Variants in FER1L6 observed in about 807,000 individuals in gnomAD.
The protein encoded by FER1L6 is fer-1 like family member 6.
Under a neutral mutation model 219.2 loss-of-function variants are expected in FER1L6, and 177 were observed. That is an observed-to-expected ratio of 0.81 (90% CI 0.71 to 0.91). The LOEUF is 0.91. Among genes scored for constraint, FER1L6 ranks in the 40% least tolerant of loss-of-function variants. FER1L6 has a pLI of 0.00. For missense variants in FER1L6, 2,153 were observed against 2,259.9 expected (o/e 0.95, Z 0.96); for synonymous variants, 768 against 824.3 (o/e 0.93, Z 1.17).
intron 3 of FER1L6, among the ~76,000 whole-genome samples, chr8:123,965,000 G>A (rs1438786891): frequency 6.6e-6 from 1 of 152,106 alleles, no homozygotes; most frequent in Non-Finnish European, 1.5e-5. Context: ...ATCTGGCACT[G>A]GGCTTTCACA....
chr8:124,049,876 A>G lies in FER1L6; in HGVS notation c.2874+120A>G, dbSNP rs1458537984. The G allele has an allele frequency of 9.7e-6, 10 of 1,026,032 alleles. No individual in the cohort carries two copies. In the South Asian group the frequency reaches 1.4e-4, roughly 15 times the overall value. 63.6% of individuals were successfully genotyped at this position (1,026,032 alleles called of 1,614,324 possible). A position where few individuals can be genotyped will look rare whatever the true frequency, so the allele number is the denominator to read the frequency against. On this transcript the variant is annotated intron_variant, in intron 22 of 40. Coordinates refer to ENST00000522917, the MANE Select transcript of FER1L6 (RefSeq NM_001039112.2). ...TCCCTCGCTGCAATCCCACATCTGA[A>G]TGTGTCTCCTGGGGACCTGAGAGGT...
chr8:123,891,839 C>G (rs1812654618), intron 1 of FER1L6, among the ~76,000 whole-genome samples: 1 of 152,170 alleles, frequency 6.6e-6, no homozygotes, highest in African/African-American at 2.4e-5. Flanking sequence ...AAATTACAAC[C>G]ATTCAGTTCC....
chr8:124,010,078 G>A (rs1298158695), intron 13 of FER1L6, among the ~76,000 whole-genome samples: 1 of 148,936 alleles, frequency 6.7e-6, no homozygotes, highest in Admixed American at 6.7e-5. Flanking sequence ...GTTGTAATTC[G>A]AGGGTCTGGT....
intron 1 of FER1L6, among the ~76,000 whole-genome samples, chr8:123,897,424 T>C (rs1328345507): frequency 6.6e-6 from 1 of 152,184 alleles, no homozygotes; most frequent in Non-Finnish European, 1.5e-5. Flanking sequence ...GCTAGTAACA[T>C]ATGCAGGTTC....
rs772374284 is a variant in FER1L6 at position 124,003,216 on chromosome 8, G to GTCAGCTGAA, written c.1579_1587dup (p.Ser527_Glu529dup). 4 of 1,614,112 alleles carry GTCAGCTGAA rather than the reference G, an allele frequency of 2.5e-6. No individual in the cohort carries two copies. The Admixed American group carries it at 6.7e-5, about 27-fold the overall frequency. On this transcript the variant is annotated inframe_insertion, in exon 13 of 41. Coordinates refer to ENST00000522917, the MANE Select transcript of FER1L6 (RefSeq NM_001039112.2). ...GAGGATCCCATCATGGGAGTAAGAA[G>GTCAGCTGAA]TCAGCTGAATCAGCTGAAGAAGACC...
intron 1 of FER1L6, among the ~76,000 whole-genome samples, chr8:123,945,293 T>A (rs1404335432): frequency 6.6e-6 from 1 of 152,182 alleles, no homozygotes; most frequent in Non-Finnish European, 1.5e-5. Context: ...GAACTCCTCC[T>A]CCTGTTCAAG....
chr8:124,091,656 T>C, intron 34 of FER1L6, 73 bp downstream of exon 34: 1 of 1,505,254 alleles, frequency 6.6e-7, no homozygotes, highest in East Asian at 2.3e-5. Flanking sequence ...TATTTTTGGC[T>C]ATGGGACATC....
At chr8:124,017,007 C>A (rs1415702121) in intron 15 of FER1L6, among the ~76,000 whole-genome samples, 1 of 152,122 alleles carries the variant, frequency 6.6e-6, no homozygotes, top group Non-Finnish European at 1.5e-5. Flanking sequence ...AACATCTTCA[C>A]CAACTTTGAA....
intron 6 of FER1L6, 61 bp from the exon 7 acceptor site, chr8:123,973,373 G>C: frequency 1.5e-6 from 2 of 1,357,906 alleles, no homozygotes; most frequent in Non-Finnish European, 2.1e-6. Flanking sequence ...AGCTAGACAA[G>C]GGTCAAGGCC....
chr8:123,899,315 G>A (rs1451916223), intron 1 of FER1L6, among the ~76,000 whole-genome samples: 2 of 151,858 alleles, frequency 1.3e-5, no homozygotes, highest in Non-Finnish European at 2.9e-5. Flanking sequence ...TTTGAGAATT[G>A]TCTATTCATG....
intron 6 of FER1L6, among the ~76,000 whole-genome samples, chr8:123,971,760 G>A (rs1177779585): frequency 1.3e-5 from 2 of 152,192 alleles, no homozygotes; most frequent in African/African-American, 2.4e-5. Flanking sequence ...ACTGCTGTAA[G>A]CAGATGCTAT....
At chr8:123,981,655 G>A (rs1389433801) in intron 11 of FER1L6, among the ~76,000 whole-genome samples, 1 of 152,132 alleles carries the variant, frequency 6.6e-6, no homozygotes, top group African/African-American at 2.4e-5. Flanking sequence ...CTTGGAAGAG[G>A]CATTTGTTTT....
chr8:123,964,122 T>G (rs1457178794), intron 3 of FER1L6, among the ~76,000 whole-genome samples: 1 of 151,982 alleles, frequency 6.6e-6, no homozygotes, highest in African/African-American at 2.4e-5. Context: ...TCTAAGAGAG[T>G]GGAAGTACAG....
chr8:123,865,870 G>C (rs965648488), intron 1 of FER1L6, among the ~76,000 whole-genome samples: 1 of 148,204 alleles, frequency 6.7e-6, no homozygotes, highest in South Asian at 2.1e-4. Flanking sequence ...ACTGGCCTGC[G>C]CCCACTGTCT....
At chr8:123,864,708 C>T (rs969220369) in intron 1 of FER1L6, among the ~76,000 whole-genome samples, 2 of 149,120 alleles carry the variant, frequency 1.3e-5, no homozygotes, top group African/African-American at 5.1e-5. Flanking sequence ...CTAAACTTCC[C>T]TTCTCGCTTC....
rs775580308 is a variant in FER1L6, at chr8:124,103,242, A to G, written c.5222A>G (p.Lys1741Arg). The change falls in exon 39 of 41, where the codon AAG becomes AGG. Residue 1741 changes from lysine to arginine, a missense_variant. Lys to Arg is a conservative substitution (Grantham distance 26). Coordinates refer to ENST00000522917, the MANE Select transcript of FER1L6 (RefSeq NM_001039112.2). Reference protein sequence around the residue: ...AKFENASEETKISIFQQKRVR... With the variant: ...AKFENASEETRISIFQQKRVR... Reference sequence around the variant, plus strand: ...TTTGAAAATGCAAGTGAGGAGACCAAGATCTCTATATTCCAGCAAAAACGT... The same window carrying G: ...TTTGAAAATGCAAGTGAGGAGACCAGGATCTCTATATTCCAGCAAAAACGT... The G allele has an allele frequency of 1.2e-6, 2 of 1,614,162 alleles. No homozygotes were observed. The highest frequency in any genetic ancestry group is 2.2e-5 in the South Asian group (2 of 91,082).
At chr8:123,906,349 A>G (rs896993494) in intron 1 of FER1L6, among the ~76,000 whole-genome samples, 6 of 152,088 alleles carry the variant, frequency 3.9e-5, no homozygotes, top group African/African-American at 1.4e-4. Context: ...CTCCCACCCA[A>G]CCCACACTGT....
Position 123,969,421 on chromosome 8 carries a change from C to T in FER1L6, c.385-614C>T, listed in dbSNP as rs1038282319. On this transcript the variant is annotated intron_variant, in intron 5 of 40. Coordinates refer to ENST00000522917, the MANE Select transcript of FER1L6 (RefSeq NM_001039112.2). ...ACCATACTGAAGTACCATTTTCACT[C>T]ATAATTATAAATTAAAAAATGACAC... Among the ~76,000 whole-genome samples the T allele has an allele frequency of 5.9e-5, 9 of 151,842 alleles. No homozygotes were observed. The East Asian group carries it at 1.8e-3, about 30-fold the overall frequency.
At chr8:124,108,586 T>C (rs563193435) in intron 39 of FER1L6, among the ~76,000 whole-genome samples, 14 of 152,062 alleles carry the variant, frequency 9.2e-5, no homozygotes, top group Non-Finnish European at 1.6e-4. Context: ...TTTTGGTAAA[T>C]GTAAGAAAAA....
Sources: allele counts gnomAD v4.1 joint callset (sites outside exome capture counted in the v4.1 genomes callset), GRCh38; gene constraint gnomAD v4.1.1; transcripts MANE v1.5; gene names NCBI Gene and HGNC (gene_info 2026-07-23, HGNC 2026-07-21).